The following SCAP variants were observed in gnomAD, a reference collection of about 807,000 sequenced individuals.
SCAP encodes the protein SREBF chaperone.
Under a neutral mutation model 123.6 loss-of-function variants are expected in SCAP, and 65 were observed. That is an observed-to-expected ratio of 0.53 (90% CI 0.43 to 0.65). The LOEUF (loss-of-function observed/expected upper bound fraction) is 0.65, where lower values mean the gene tolerates loss of function less well. SCAP is among the 30% of genes least tolerant of loss of function. The pLI is 0.00. For synonymous variants in SCAP, 740 were observed against 726.3 expected, an observed-to-expected ratio of 1.02 and a Z score of -0.30; for missense variants, 1,398 against 1,712.5, an observed-to-expected ratio of 0.82 and a Z score of 3.24.
intron 3 of SCAP, among the ~76,000 whole-genome samples, chr3:47,430,605 A>C (rs1438327989): frequency 6.6e-6 from 1 of 152,232 alleles, no homozygotes; most frequent in Admixed American, 6.5e-5. Context: ...GCTTAGACTG[A>C]AGCCTGACTG....
chr3:47,418,068 TGGCGGCG>T (rs1333893623), intron 16 of SCAP, 59 bp downstream of exon 16: 2 of 968,412 alleles, frequency 2.1e-6, no homozygotes, highest in African/African-American at 7.8e-5. Context: ...GGGAGATACG[TGGCGGCG>T]GGGGGTGGGG....
Position 47,442,868 on chromosome 3 carries a change from A to G in SCAP, c.122+4T>C, listed in dbSNP as rs1238047124. 9 of 1,614,032 alleles carry G rather than the reference A, an allele frequency of 5.6e-6. No individual in the cohort carries two copies. The East Asian group carries it at 1.8e-4, about 32-fold the overall frequency. On this transcript the variant is annotated splice_donor_region_variant and intron_variant, in intron 2 of 22. Coordinates refer to ENST00000265565, the MANE Select transcript of SCAP (RefSeq NM_012235.4). ...ACCATATCCAAGGCAACCCAAAAAC[A>G]TACCAGCAGGCTAAGATGCAGAACC... is the stretch of plus-strand genomic sequence containing the variant.
At chr3:47,443,147 GGCT>G in intron 1 of SCAP, 56 bp from the exon 2 acceptor site, 1 of 1,345,134 alleles carries the variant, frequency 7.4e-7, no homozygotes, top group Non-Finnish European at 9.9e-7. Flanking sequence ...TGCACACTAG[GGCT>G]GCTGGAGGGA....
Position 47,419,722 on chromosome 3 carries a change from G to A in SCAP, c.1564-18C>T, listed in dbSNP as rs1705805963. On this transcript the variant is annotated intron_variant, in intron 12 of 22. Transcript: ENST00000265565. The surrounding 1 kb of genome is among the most constrained non-coding windows in gnomAD (Gnocchi z 5.0). ...GTGCCAGCCTGCAGTGGGGCAGGGG[G>A]TACTCAGTGGGAGGAATGGGCCCCA... is the stretch of plus-strand genomic sequence containing the variant. The A allele has an allele frequency of 2.0e-6, 3 of 1,512,832 alleles. No homozygotes were observed. Among genetic ancestry groups the A allele is most frequent in the Admixed American group, 4.5e-5 (2 of 44,256 alleles). The allele number at this position is 1,512,832 out of a possible 1,614,324, so 93.7% of individuals were successfully genotyped here.
intron 1 of SCAP, among the ~76,000 whole-genome samples, chr3:47,462,477 T>C (rs1246350807): frequency 6.6e-6 from 1 of 152,138 alleles, no homozygotes; most frequent in Non-Finnish European, 1.5e-5. Context: ...TTATGACTTA[T>C]GATCAAACAC....
chr3:47,449,351 C>T (rs1707166763), intron 1 of SCAP, among the ~76,000 whole-genome samples: 1 of 123,742 alleles, frequency 8.1e-6, no homozygotes, highest in African/African-American at 2.8e-5. Context: ...GGTTTAATTT[C>T]CCTAACCTGC....
chr3:47,413,876 G>C lies in SCAP; in HGVS notation c.3818C>G (p.Ser1273Cys). 1 of 1,613,022 alleles carries C rather than the reference G, an allele frequency of 6.2e-7. No individual in the cohort carries two copies. The highest frequency in any genetic ancestry group is 8.5e-7 in the Non-Finnish European group (1 of 1,180,020). Reference protein sequence around the residue: ...GSELSLVYVPSVLEKLD With the variant: ...GSELSLVYVPCVLEKLD ...CGCTCAGTCCAGCTTCTCCAGCACA[G>C]AGGGCACATACACCAGGCTGAGCTC... The change falls in exon 23 of 23, where the codon TCT (serine) becomes TGT (cysteine). Residue 1273 changes from serine (S) to cysteine (C), a missense_variant. Physicochemically the swap from Ser to Cys is moderately radical, Grantham distance 112 (BLOSUM62 -1). Transcript: ENST00000265565.
chr3:47,436,634 AAAAAAAAAG>A (rs1179444957), intron 2 of SCAP, among the ~76,000 whole-genome samples: 4 of 151,594 alleles, frequency 2.6e-5, no homozygotes, highest in Admixed American at 2.0e-4. Flanking sequence ...ATCTCAAGTG[AAAAAAAAAG>A]AAAAAAAAGA....
intron 18 of SCAP, 117 bp downstream of exon 18, chr3:47,417,005 A>T (rs1175412791): frequency 2.4e-6 from 2 of 843,110 alleles, no homozygotes; most frequent in African/African-American, 3.4e-5. Flanking sequence ...GGCACCAAGA[A>T]GGTCAATCGA....
At chr3:47,425,277 C>A in intron 8 of SCAP, 1 of 581,618 alleles carries the variant, frequency 1.7e-6, no homozygotes. Flanking sequence ...TATGGACACT[C>A]ACTATAGCTA....
intron 3 of SCAP, among the ~76,000 whole-genome samples, chr3:47,431,678 C>T (rs6792461): frequency 0.38 from 57,390 of 151,906 alleles, 11,204 homozygotes; most frequent in East Asian, 0.53. Context: ...GGAAGATCAG[C>T]GGTAAAATGT....
intron 1 of SCAP, among the ~76,000 whole-genome samples, chr3:47,470,164 G>A (rs779367822): frequency 2.6e-5 from 4 of 152,164 alleles, no homozygotes; most frequent in Non-Finnish European, 4.4e-5. Flanking sequence ...GGGATCAAGA[G>A]CTAGCCTTAA....
chr3:47,432,314 G>GAA (rs11308011), intron 3 of SCAP, among the ~76,000 whole-genome samples: 2 of 75,700 alleles, frequency 2.6e-5, no homozygotes, highest in African/African-American at 5.0e-5. Context: ...ACTCCGTCTT[G>GAA]AAAAAAAAAA....
At chr3:47,456,695 G>A (rs1419931925) in intron 1 of SCAP, among the ~76,000 whole-genome samples, 1 of 151,884 alleles carries the variant, frequency 6.6e-6, no homozygotes, top group East Asian at 1.9e-4. Context: ...AACCTGGGAG[G>A]CGGAGGTTGC....
At chr3:47,461,803 G>C (rs1159151748) in intron 1 of SCAP, among the ~76,000 whole-genome samples, 1 of 152,198 alleles carries the variant, frequency 6.6e-6, no homozygotes, top group East Asian at 1.9e-4. Context: ...GGAGGCCGAG[G>C]CAAACAGATC....
rs1287723781 is a variant in SCAP, at chr3:47,419,340, G to A, written c.1928C>T (p.Thr643Ile). The change falls in exon 13 of 23, where the codon ACA (threonine) becomes ATA (isoleucine). Residue 643 changes from threonine to isoleucine, a missense_variant. Physicochemically the swap from Thr to Ile is moderately conservative, Grantham distance 89. Around this residue, in one of 7 missense-constraint regions of SCAP, gnomAD observed 828 missense variants for 882.5 expected, o/e 0.94. Coordinates refer to ENST00000265565, the MANE Select transcript of SCAP (RefSeq NM_012235.4). This position sits in a 1 kb window ranked among gnomAD's most constrained non-coding sequence, Gnocchi z 5.0. ...CGGCCCAGCTCACCTCTTGGCCAGT[G>A]TGATGTTGTAATAGCTGAAGAGCGT... ...WPTLFSYYNI[T>I]LAKRYISLLP... 16 of 1,611,460 alleles carry A rather than the reference G, an allele frequency of 9.9e-6. No individual in the cohort carries two copies. The highest frequency in any genetic ancestry group is 1.4e-5 in the Non-Finnish European group (16 of 1,178,702).
At chr3:47,422,295 A>C (rs956488063) in intron 10 of SCAP, 147 bp downstream of exon 10, 1 of 675,166 alleles carries the variant, frequency 1.5e-6, no homozygotes, top group South Asian at 1.9e-5. Context: ...TGGGTGCTGT[A>C]GTGATCTGCT....
Position 47,417,743 on chromosome 3 carries a change from C to T in SCAP, c.2531G>A (p.Gly844Asp), listed in dbSNP as rs773465508. ...AGGGCTGTCCCCAGGCTCCTCTGGA[C>T]CAGCCTTCCCACCATCTGAAAGTCG... ...WERLSDGGKA[G>D]PEEPGDSPPL... The change falls in exon 17 of 23, where the codon GGT (glycine) becomes GAT (aspartate). Residue 844 changes from glycine (G) to aspartate (D), a missense_variant. Physicochemically the swap from Gly to Asp is moderately conservative, Grantham distance 94. Transcript: ENST00000265565. The T allele has an allele frequency of 3.1e-6, 5 of 1,607,486 alleles. No individual in the cohort carries two copies. In the South Asian group the frequency reaches 3.3e-5, roughly 11 times the overall value.
intron 14 of SCAP, 45 bp from the exon 15 acceptor site, chr3:47,418,567 TC>T (rs1386666227): frequency 1.9e-6 from 3 of 1,552,394 alleles, no homozygotes; most frequent in Non-Finnish European, 2.6e-6. Flanking sequence ...TCACAGCCTG[TC>T]CCCTCCCCTC....
Sources: allele counts gnomAD v4.1 joint callset (sites outside exome capture counted in the v4.1 genomes callset), GRCh38; gene constraint gnomAD v4.1.1; regional missense constraint gnomAD v4.1.1; non-coding constraint Gnocchi (gnomAD v3.1); transcripts MANE v1.5; gene names NCBI Gene and HGNC (gene_info 2026-07-23, HGNC 2026-07-21).